The following KMT2C variants were observed in gnomAD, a reference collection of about 807,000 sequenced individuals.
The protein encoded by KMT2C is histone-lysine N-methyltransferase 2C.
Under a neutral mutation model 507.9 loss-of-function variants are expected in KMT2C, and 88 were observed. The observed-to-expected ratio is 0.17, with a 90% CI of 0.15 to 0.21. The LOEUF (loss-of-function observed/expected upper bound fraction) is 0.21. Among genes scored for constraint, KMT2C ranks in the 10% least tolerant of loss-of-function variants. KMT2C has a pLI of 1.00. For missense variants in KMT2C, 4,954 were observed against 5,957.8 expected (o/e 0.83, Z 5.55); for synonymous variants, 2,049 against 2,080.8 (o/e 0.98, Z 0.42).
At position 152,248,611 on chromosome 7, in the gene KMT2C, T is replaced by C. The variant is rs779932042; in HGVS notation, c.1823A>G (p.Gln608Arg). Residue 608 changes from glutamine to arginine, a missense_variant, in exon 14 of 59, where the codon CAA becomes CGA. This residue lies in a region of KMT2C where 376 missense variants were observed against 352.4 expected (regional missense o/e 1.07). Coordinates refer to ENST00000262189, the MANE Select transcript of KMT2C (RefSeq NM_170606.3). The part of the protein sequence containing the change: ...TDSLLIAVSS[Q>R]HTVNTELEKQ... Reference sequence around the variant, plus strand: ...TTCCAATTCAGTATTCACTGTATGTTGGGATGATACTACAAAATTCAGAAC... The same window carrying C: ...TTCCAATTCAGTATTCACTGTATGTCGGGATGATACTACAAAATTCAGAAC... The C allele has an allele frequency of 6.6e-5, 106 of 1,601,944 alleles. No individual in the cohort carries two copies. Among genetic ancestry groups the C allele is most frequent in the Non-Finnish European group, 8.7e-5 (102 of 1,171,296 alleles).
intron 1 of KMT2C, among the ~76,000 whole-genome samples, chr7:152,384,235 T>C (rs2097400549): frequency 6.6e-6 from 1 of 152,126 alleles, no homozygotes; most frequent in Non-Finnish European, 1.5e-5. Context: ...TTTCAATGTC[T>C]CTCCATGGCC....
intron 1 of KMT2C, among the ~76,000 whole-genome samples, chr7:152,423,403 G>A (rs1189195085): frequency 6.6e-6 from 1 of 152,212 alleles, no homozygotes; most frequent in Non-Finnish European, 1.5e-5. Context: ...TGAACTCTGT[G>A]ATAGTTCTAG....
intron 2 of KMT2C, among the ~76,000 whole-genome samples, chr7:152,346,012 GAATA>G (rs1172739271): frequency 6.6e-6 from 1 of 152,126 alleles, no homozygotes; most frequent in Non-Finnish European, 1.5e-5. Flanking sequence ...AAGTTATCAG[GAATA>G]AAGAAAGGCA....
At chr7:152,273,041 T>C (rs753933054) in intron 7 of KMT2C, among the ~76,000 whole-genome samples, 1 of 151,880 alleles carries the variant, frequency 6.6e-6, no homozygotes, top group African/African-American at 2.4e-5. Context: ...GGAAAACACA[T>C]AGTAAGAAAA....
chr7:152,357,735 T>C (rs1231156406), intron 2 of KMT2C, among the ~76,000 whole-genome samples: 3 of 152,180 alleles, frequency 2.0e-5, no homozygotes, highest in Admixed American at 6.6e-5. Flanking sequence ...CTAGACCTTA[T>C]TGGAAAGAAA....
At chr7:152,309,836 T>A in intron 6 of KMT2C, 130 bp downstream of exon 6, 1 of 640,822 alleles carries the variant, frequency 1.6e-6, no homozygotes, top group Middle Eastern at 3.0e-4. Flanking sequence ...TTTCTCTTAA[T>A]AAAAATTAAT....
At chr7:152,397,443 T>C (rs2097544144) in intron 1 of KMT2C, among the ~76,000 whole-genome samples, 2 of 152,196 alleles carry the variant, frequency 1.3e-5, no homozygotes, top group African/African-American at 4.8e-5. Context: ...CTAAGGGCTT[T>C]TGCTGCACTA....
At chr7:152,217,583 C>T (rs1319178881) in intron 23 of KMT2C, among the ~76,000 whole-genome samples, 2 of 152,132 alleles carry the variant, frequency 1.3e-5, no homozygotes, top group East Asian at 1.9e-4. Context: ...ACATCCAACA[C>T]ACTAAACAAT....
chr7:152,159,839 C>T (rs1467009752), intron 43 of KMT2C, among the ~76,000 whole-genome samples: 1 of 152,154 alleles, frequency 6.6e-6, no homozygotes, highest in African/African-American at 2.4e-5. Flanking sequence ...CTGCTATAGA[C>T]GATTATAGTA....
At chr7:152,290,654 G>C (rs1359669246) in intron 6 of KMT2C, among the ~76,000 whole-genome samples, 2 of 151,900 alleles carry the variant, frequency 1.3e-5, no homozygotes, top group Non-Finnish European at 2.9e-5. Flanking sequence ...TCATTGATGG[G>C]ATTGCAGTCT....
intron 1 of KMT2C, among the ~76,000 whole-genome samples, chr7:152,380,956 CAG>C (rs1386077724): frequency 1.3e-5 from 2 of 152,236 alleles, no homozygotes; most frequent in African/African-American, 4.8e-5. Context: ...CATAATTTAG[CAG>C]AGAGACTCCA....
chr7:152,182,200 G>A lies in KMT2C; in HGVS notation c.5660C>T (p.Ser1887Phe). 2 of 1,614,156 alleles carry A rather than the reference G, an allele frequency of 1.2e-6. No homozygotes were observed. Among genetic ancestry groups the A allele is most frequent in the Non-Finnish European group, 1.7e-6 (2 of 1,180,032 alleles). ...CATTGGAGATGGTGGTCGTGAGTTA[G>A]AGGACCCAGGTGAAAACACTTGCGG... is the stretch of plus-strand genomic sequence containing the variant. The part of the protein sequence containing the change: ...PSPQVFSPGS[S>F]NSRPPSPMDP... Residue 1887 changes from serine to phenylalanine, a missense_variant, in exon 36 of 59, where the codon TCT becomes TTT. Around this residue, in one of 29 missense-constraint regions of KMT2C, gnomAD observed 1,689 missense variants for 1,654.3 expected, o/e 1.02. Coordinates refer to ENST00000262189, the MANE Select transcript of KMT2C (RefSeq NM_170606.3).
intron 7 of KMT2C, among the ~76,000 whole-genome samples, chr7:152,272,564 T>C (rs1310888325): frequency 6.6e-6 from 1 of 152,216 alleles, no homozygotes; most frequent in African/African-American, 2.4e-5. Flanking sequence ...GCCGTAACAG[T>C]TGCAGTGCAT....
intron 6 of KMT2C, among the ~76,000 whole-genome samples, chr7:152,294,885 C>T (rs977292433): frequency 6.6e-6 from 1 of 152,124 alleles, no homozygotes; most frequent in African/African-American, 2.4e-5. Flanking sequence ...ACCAAAGGAT[C>T]AATCTTCCAT....
intron 17 of KMT2C, 40 bp downstream of exon 17, chr7:152,230,179 AG>A (rs746499432): frequency 2.5e-6 from 3 of 1,182,468 alleles, no homozygotes; most frequent in Non-Finnish European, 3.7e-6. Context: ...ATGTGCAAGG[AG>A]GAATTCAATG....
At chr7:152,196,048 T>G (rs767431120) in intron 27 of KMT2C, 37 bp from the exon 28 acceptor site, 2 of 1,275,848 alleles carry the variant, frequency 1.6e-6, no homozygotes, top group African/African-American at 3.0e-5. Flanking sequence ...AATTTCAGTA[T>G]TTTCTCAGAT....
In KMT2C at chr7:152,162,516, A is replaced by G; in HGVS notation, c.11061T>C (p.Ser3687=). 1 of 1,614,210 alleles carries G rather than the reference A, an allele frequency of 6.2e-7. No individual in the cohort carries two copies. The highest frequency in any genetic ancestry group is 1.1e-5 in the South Asian group (1 of 91,086). Residue 3687 remains serine, a synonymous_variant, in exon 43 of 59, where the codon AGT becomes AGC. Coordinates refer to ENST00000262189, the MANE Select transcript of KMT2C (RefSeq NM_170606.3). Reference sequence around the variant, plus strand: ...GATTTGGAGTTGCTTGTGAGAAATCACTATTGGGCAGTTTGTTCTCTAATT... The same window carrying G: ...GATTTGGAGTTGCTTGTGAGAAATCGCTATTGGGCAGTTTGTTCTCTAATT... The part of the protein sequence containing the change: ...CTELENKLPN[S]DFSQATPNQQ...
chr7:152,349,184 G>A (rs1026998172), intron 2 of KMT2C, among the ~76,000 whole-genome samples: 6 of 152,106 alleles, frequency 3.9e-5, no homozygotes, highest in African/African-American at 1.4e-4. Flanking sequence ...GGTGACTCAC[G>A]CCTGTAATCC....
chr7:152,293,442 T>C (rs1402554491), intron 6 of KMT2C, among the ~76,000 whole-genome samples: 1 of 152,218 alleles, frequency 6.6e-6, no homozygotes, highest in Admixed American at 6.5e-5. Flanking sequence ...GTTCAAAAGT[T>C]CCTAAAGGGT....
Sources: gnomAD v4.1 joint callset for allele counts (sites outside exome capture counted in the v4.1 genomes callset) on GRCh38, gnomAD v4.1.1 for gene constraint, gnomAD v4.1.1 regional missense constraint, MANE v1.5 for transcripts, NCBI Gene and HGNC (gene_info 2026-07-23, HGNC 2026-07-21) for gene names.